Variants in ZNF385D observed in about 807,000 individuals in gnomAD.
The protein encoded by ZNF385D is zinc finger protein 385D.
In ZNF385D, 15 loss-of-function variants were observed where a neutral mutation model predicts 35.8. The observed-to-expected ratio is 0.42, with a 90% CI of 0.28 to 0.64. The LOEUF (loss-of-function observed/expected upper bound fraction) is 0.64, where lower values mean the gene tolerates loss of function less well. ZNF385D is among the 30% of genes least tolerant of loss of function. The pLI, the probability that ZNF385D is intolerant of heterozygous loss-of-function variation, is 0.23. For synonymous variants in ZNF385D, 212 were observed against 186.8 expected (o/e 1.13, Z -1.10); for missense variants, 474 against 494.6 (o/e 0.96, Z 0.39).
At chr3:21,467,640 C>A (rs1703603413) in intron 4 of ZNF385D, among the ~76,000 whole-genome samples, 1 of 152,060 alleles carries the variant, frequency 6.6e-6, no homozygotes, top group African/African-American at 2.4e-5. Context: ...GTGGTATTTC[C>A]CTGGTAACTC....
At chr3:21,872,328 G>C (rs887243382) in intron 3 of ZNF385D, among the ~76,000 whole-genome samples, 5 of 152,086 alleles carry the variant, frequency 3.3e-5, no homozygotes, top group African/African-American at 1.2e-4. Context: ...ACATTATGTT[G>C]TAAAGACTTT....
chr3:21,791,955 G>A (rs1284284915), intron 3 of ZNF385D, among the ~76,000 whole-genome samples: 5 of 152,162 alleles, frequency 3.3e-5, no homozygotes, highest in African/African-American at 1.2e-4. Flanking sequence ...GGATGGTCTC[G>A]ATCTCCTGAC....
intron 2 of ZNF385D, among the ~76,000 whole-genome samples, chr3:22,364,535 A>C (rs1470916052): frequency 6.6e-6 from 1 of 152,118 alleles, no homozygotes; most frequent in African/African-American, 2.4e-5. Flanking sequence ...AATATAAATC[A>C]AAACTACAAT....
chr3:21,934,071 A>T (rs1186265864), intron 3 of ZNF385D, among the ~76,000 whole-genome samples: 2 of 152,156 alleles, frequency 1.3e-5, no homozygotes, highest in African/African-American at 4.8e-5. Flanking sequence ...GAAAGAAATC[A>T]TTCTTTCAGT....
intron 3 of ZNF385D, among the ~76,000 whole-genome samples, chr3:21,528,716 T>C (rs1013570549): frequency 6.6e-6 from 1 of 152,164 alleles, no homozygotes; most frequent in African/African-American, 2.4e-5. Flanking sequence ...CATCTTTTGA[T>C]TGATGTATAC....
intron 2 of ZNF385D, among the ~76,000 whole-genome samples, chr3:21,654,465 A>G (rs1206477329): frequency 1.3e-5 from 2 of 152,044 alleles, no homozygotes; most frequent in Admixed American, 6.6e-5. Flanking sequence ...AATTTCAGTA[A>G]CAATGTTCTT....
intron 2 of ZNF385D, among the ~76,000 whole-genome samples, chr3:21,664,032 TG>T (rs2066325505): frequency 6.7e-6 from 1 of 150,172 alleles, no homozygotes; most frequent in South Asian, 2.1e-4. Context: ...TTGGTTGCAT[TG>T]ACATGTCCTG....
chr3:21,687,619 G>T (rs1020979380), intron 1 of ZNF385D, among the ~76,000 whole-genome samples: 3 of 152,024 alleles, frequency 2.0e-5, no homozygotes, highest in African/African-American at 7.2e-5. Context: ...TTACATTAAG[G>T]CTCACTCTTG....
intron 2 of ZNF385D, among the ~76,000 whole-genome samples, chr3:22,371,018 T>A (rs567519696): frequency 6.6e-6 from 1 of 152,276 alleles, no homozygotes; most frequent in Non-Finnish European, 1.5e-5. Flanking sequence ...TTTAGCTCCA[T>A]GAAGAGAGTG....
chr3:21,685,913 C>T lies in ZNF385D; in HGVS notation c.23-20885G>A, dbSNP rs1419393324. ...ATTCTCCCAGGCAATAATTCCTCAA[C>T]TGAGACAATCAGAGCAGGGAGAATG... On this transcript the variant is annotated intron_variant, in intron 1 of 7. Coordinates refer to ENST00000281523, the MANE Select transcript of ZNF385D (RefSeq NM_024697.3). Among the ~76,000 whole-genome samples the T allele has an allele frequency of 6.6e-5, 10 of 152,086 alleles. No individual in the cohort carries two copies. The East Asian group carries it at 1.7e-3, about 26-fold the overall frequency.
intron 3 of ZNF385D, among the ~76,000 whole-genome samples, chr3:21,965,171 G>A (rs917909348): frequency 6.6e-6 from 1 of 152,164 alleles, no homozygotes; most frequent in African/African-American, 2.4e-5. Flanking sequence ...AATATCTTAT[G>A]TAACTTTGGT....
intron 3 of ZNF385D, among the ~76,000 whole-genome samples, chr3:21,863,694 G>T (rs764567273): frequency 6.6e-6 from 1 of 152,052 alleles, no homozygotes; most frequent in Non-Finnish European, 1.5e-5. Flanking sequence ...ATTTCGAAAA[G>T]AACAAGAACT....
intron 4 of ZNF385D, among the ~76,000 whole-genome samples, chr3:21,457,471 T>C (rs1044951217): frequency 3.3e-5 from 5 of 152,074 alleles, no homozygotes; most frequent in Non-Finnish European, 5.9e-5. Flanking sequence ...TTCTTCTGCC[T>C]CAGCCTCCTG....
chr3:21,724,475 GCCAAAAAAAAAAAAAAAAAAAAAAAAAA>G (rs1559554425), intron 1 of ZNF385D, among the ~76,000 whole-genome samples: 1 of 20,282 alleles, frequency 4.9e-5, no homozygotes, highest in Non-Finnish European at 8.7e-5. Context: ...CAAATGGAAA[GCCAAAAAAAAAAAAAAAAAAAAAAAAAA>G]AAAAAAAAAA....
chr3:22,240,065 C>A (rs1289650517), intron 2 of ZNF385D, among the ~76,000 whole-genome samples: 3 of 149,348 alleles, frequency 2.0e-5, no homozygotes, highest in Non-Finnish European at 4.4e-5. Flanking sequence ...TGCCTGTAGT[C>A]TCAGCTACTC....
intron 3 of ZNF385D, among the ~76,000 whole-genome samples, chr3:21,799,506 T>C (rs147944275): frequency 5.3e-5 from 8 of 152,306 alleles, no homozygotes; most frequent in Non-Finnish European, 8.8e-5. Flanking sequence ...CTAAAAACTA[T>C]TGGTATTAAG....
intron 3 of ZNF385D, among the ~76,000 whole-genome samples, chr3:21,940,995 T>C (rs1284309294): frequency 1.3e-5 from 2 of 152,186 alleles, no homozygotes; most frequent in African/African-American, 4.8e-5. Context: ...ATCTAAAGTG[T>C]TTGAAACCGA....
At chr3:22,333,048 C>A (rs749241278) in intron 2 of ZNF385D, among the ~76,000 whole-genome samples, 7 of 151,962 alleles carry the variant, frequency 4.6e-5, no homozygotes, top group Non-Finnish European at 8.8e-5. Context: ...TTTATTTTAC[C>A]TTAAGTCCTG....
At chr3:21,869,744 T>A (rs1697584727) in intron 3 of ZNF385D, among the ~76,000 whole-genome samples, 1 of 152,126 alleles carries the variant, frequency 6.6e-6, no homozygotes, top group African/African-American at 2.4e-5. Context: ...GCCACCTATT[T>A]GGAGTACAGA....
Sources: allele counts gnomAD v4.1 joint callset (sites outside exome capture counted in the v4.1 genomes callset), GRCh38; gene constraint gnomAD v4.1.1; transcripts MANE v1.5; gene names NCBI Gene and HGNC (gene_info 2026-07-23, HGNC 2026-07-21).